Variants in HHLA1 observed in about 807,000 individuals in gnomAD.
The protein encoded by HHLA1 is HHLA1 neighbor of OC90, also known as HERV-H LTR-associating protein 1.
Under a neutral mutation model 69.9 loss-of-function variants are expected in HHLA1, and 72 were observed. The observed-to-expected ratio is 1.03, with a 90% confidence interval of 0.85 to 1.25. The LOEUF (loss-of-function observed/expected upper bound fraction) is 1.25, where lower values mean the gene tolerates loss of function less well. Ranked by LOEUF, HHLA1 falls within the 50% of genes most tolerant of loss-of-function variation. The pLI is 0.00. For synonymous variants in HHLA1, 252 were observed against 233.2 expected (o/e 1.08, Z -0.73); for missense variants, 685 against 642.2 (o/e 1.07, Z -0.72).
chr8:132,074,293 C>T (rs1823597930), intron 14 of HHLA1, among the ~76,000 whole-genome samples: 1 of 151,978 alleles, frequency 6.6e-6, no homozygotes, highest in Non-Finnish European at 1.5e-5. Context: ...TTCTGCTTCT[C>T]TTAAGAATCT....
At chr8:132,078,001 A>C in intron 11 of HHLA1, 30 bp from the exon 12 acceptor site, 1 of 1,549,542 alleles carries the variant, frequency 6.5e-7, no homozygotes, top group African/African-American at 1.4e-5. Flanking sequence ...GTAACAGGGT[A>C]CAGACATGCT....
Position 132,095,771 on chromosome 8 carries a change from A to G in HHLA1, c.296T>C (p.Phe99Ser). Residue 99 changes from phenylalanine to serine, a missense_variant, in exon 6 of 17, where the codon TTC (phenylalanine) becomes TCC (serine). Coordinates refer to ENST00000414222, the MANE Select transcript of HHLA1 (RefSeq NM_001145095.3). Reference sequence around the variant, plus strand: ...GTAGGAAGTGACACTCAGCAAGGAGAAGAACTTCTTGCTATCTGCCAAAAC... The same window carrying G: ...GTAGGAAGTGACACTCAGCAAGGAGGAGAACTTCTTGCTATCTGCCAAAAC... ...SRALKDSKKFFSLLSVTSYSS... is the reference protein window; with the variant it reads ...SRALKDSKKFSSLLSVTSYSS... 1.3e-6 allele frequency: 2 copies of G among 1,550,430 alleles called. No homozygotes were observed. The highest frequency in any genetic ancestry group is 1.7e-6 in the Non-Finnish European group (2 of 1,146,244).
chr8:132,085,824 T>G (rs1450784063), intron 10 of HHLA1, among the ~76,000 whole-genome samples: 1 of 138,820 alleles, frequency 7.2e-6, no homozygotes, highest in African/African-American at 2.8e-5. Context: ...CAAGGTAATG[T>G]CATCAGTTAA....
chr8:132,066,575 G>A (rs956560959), intron 15 of HHLA1, among the ~76,000 whole-genome samples: 1 of 152,250 alleles, frequency 6.6e-6, no homozygotes, highest in African/African-American at 2.4e-5. Flanking sequence ...AGTGCAGGCT[G>A]TGTCAACTAG....
At chr8:132,081,868 G>C (rs1309612944) in intron 10 of HHLA1, among the ~76,000 whole-genome samples, 4 of 152,190 alleles carry the variant, frequency 2.6e-5, no homozygotes, top group Non-Finnish European at 4.4e-5. Flanking sequence ...CTTGAGGATA[G>C]ATTTCCACGA....
rs538427392 is a variant in HHLA1, at chr8:132,071,346, T to C, written c.1463A>G (p.Asp488Gly). The C allele has an allele frequency of 4.2e-5, 65 of 1,550,334 alleles. No homozygotes were observed. In the African/African-American group the frequency reaches 8.3e-4, roughly 20 times the overall value. ...AGCCACTGGGCCAAGTTACCTCATG[T>C]CCTCTGTCCTGGGACTCCTCTGGCT... Reference protein sequence around the residue: ...CMSQRSPRTEDMRYCLEYYSW... With the variant: ...CMSQRSPRTEGMRYCLEYYSW... Residue 488 changes from aspartate to glycine, a missense_variant, in exon 15 of 17, where the codon GAC becomes GGC. Physicochemically the swap from Asp to Gly is moderately conservative, Grantham distance 94. Transcript: ENST00000414222.
chr8:132,098,979 G>T lies in HHLA1; in HGVS notation c.200-17C>A. 1 of 1,518,016 alleles carries T rather than the reference G, an allele frequency of 6.6e-7. No homozygotes were observed. Among genetic ancestry groups the T allele is most frequent in the Non-Finnish European group, 8.9e-7 (1 of 1,125,124 alleles). The allele number at this position is 1,518,016 out of a possible 1,614,324, so 94.0% of individuals were successfully genotyped here. On this transcript the variant is annotated splice_polypyrimidine_tract_variant and intron_variant, in intron 4 of 16. Coordinates refer to ENST00000414222, the MANE Select transcript of HHLA1 (RefSeq NM_001145095.3). ...CGGGCAGCTCTGAAAGAGATTCAGAGATAATGTCACTGGCAGGCTTTTCTC... is the reference window on the plus strand; with the variant it reads ...CGGGCAGCTCTGAAAGAGATTCAGATATAATGTCACTGGCAGGCTTTTCTC...
chr8:132,106,037 T>C lies in HHLA1; in HGVS notation c.-21-751A>G, dbSNP rs191145805. On this transcript the variant is annotated intron_variant, in intron 1 of 16. Transcript: ENST00000414222. Reference sequence around the variant, plus strand: ...GCTAACATTTATTGAGCACTTTCTGTGTGCCAGATGCCACATTGAACACTA... The same window carrying C: ...GCTAACATTTATTGAGCACTTTCTGCGTGCCAGATGCCACATTGAACACTA... Among the ~76,000 whole-genome samples the C allele has an allele frequency of 7.7e-4, 117 of 152,348 alleles. No individual in the cohort carries two copies. The South Asian group carries it at 9.1e-3, about 12-fold the overall frequency.
At chr8:132,108,144 G>A (rs1421838228) in intron 1 of HHLA1, among the ~76,000 whole-genome samples, 1 of 152,184 alleles carries the variant, frequency 6.6e-6, no homozygotes, top group Non-Finnish European at 1.5e-5. Flanking sequence ...GCTCTGCAGT[G>A]CAACTTACTA....
chr8:132,083,138 G>A (rs1230449488), intron 10 of HHLA1, among the ~76,000 whole-genome samples: 5 of 146,160 alleles, frequency 3.4e-5, no homozygotes, highest in Non-Finnish European at 4.7e-5. Context: ...GGGAAGAAGG[G>A]TGGCAATGAG....
rs138080792 is a variant in HHLA1 at position 132,091,020 on chromosome 8, C to A, written c.449-1421G>T. Among the ~76,000 whole-genome samples the A allele has an allele frequency of 3.3e-3, 507 of 152,286 alleles. 5 individuals are homozygous for A. Among genetic ancestry groups the A allele is most frequent in the African/African-American group, 0.012 (491 of 41,568 alleles). Reference sequence around the variant, plus strand: ...GTGCTCCACCCGCCTCGGCCTCCTTCTCTGTCTCTTTAGACCAGTCTGTTC... The same window carrying A: ...GTGCTCCACCCGCCTCGGCCTCCTTATCTGTCTCTTTAGACCAGTCTGTTC... On this transcript the variant is annotated intron_variant, in intron 7 of 16. Transcript: ENST00000414222.
intron 15 of HHLA1, among the ~76,000 whole-genome samples, chr8:132,066,955 G>A (rs1232101028): frequency 1.3e-5 from 2 of 152,170 alleles, no homozygotes; most frequent in Non-Finnish European, 2.9e-5. Context: ...AGGAAAGCAG[G>A]ACTTGGTGGT....
chr8:132,083,078 G>T (rs1823786861), intron 10 of HHLA1, among the ~76,000 whole-genome samples: 1 of 151,884 alleles, frequency 6.6e-6, no homozygotes, highest in Non-Finnish European at 1.5e-5. Flanking sequence ...TATACTTGTG[G>T]GTTAAGGTGG....
At chr8:132,079,224 T>A (rs2130883150) in intron 11 of HHLA1, among the ~76,000 whole-genome samples, 1 of 152,332 alleles carries the variant, frequency 6.6e-6, no homozygotes, top group Admixed American at 6.5e-5. Flanking sequence ...TGGTGTTAAG[T>A]CATTAACATA....
Position 132,095,547 on chromosome 8 carries a change from A to T in HHLA1, c.420T>A (p.Cys140Ter). The change falls in exon 7 of 17, where the codon TGT becomes TGA. Residue 140 changes from cysteine to a stop codon, truncating the protein, a stop_gained. Coordinates refer to ENST00000414222, the MANE Select transcript of HHLA1 (RefSeq NM_001145095.3). LOFTEE classifies it high-confidence loss of function. ...PAKFPTRYCYCLNNRTNDLSD... is the reference protein window; with the variant it reads ...PAKFPTRYCY Reference sequence around the variant, plus strand: ...ATAAGTCATTGGTCCGATTGTTTAAACAGTAGCAATACCTTGTGGGGAATT... The same window carrying T: ...ATAAGTCATTGGTCCGATTGTTTAATCAGTAGCAATACCTTGTGGGGAATT... 1 of 1,550,284 alleles carries T rather than the reference A, an allele frequency of 6.5e-7. No individual in the cohort carries two copies. The highest frequency in any genetic ancestry group is 8.7e-7 in the Non-Finnish European group (1 of 1,145,608).
At chr8:132,074,983 A>G (rs946290828) in intron 14 of HHLA1, among the ~76,000 whole-genome samples, 6 of 152,246 alleles carry the variant, frequency 3.9e-5, no homozygotes, top group African/African-American at 2.4e-5. Flanking sequence ...ATATAGATAT[A>G]GATATGGATA....
chr8:132,105,352 G>C (rs1444313377), intron 1 of HHLA1, 66 bp from the exon 2 acceptor site: 2 of 995,894 alleles, frequency 2.0e-6, no homozygotes, highest in African/African-American at 3.2e-5. Context: ...TTTGAGAACA[G>C]TGCGTGAGGA....
chr8:132,108,111 G>A (rs1435459286), intron 1 of HHLA1, among the ~76,000 whole-genome samples: 1 of 152,182 alleles, frequency 6.6e-6, no homozygotes, highest in Non-Finnish European at 1.5e-5. Context: ...TGGAGTTGGA[G>A]GACTGCCTAG....
At position 132,069,360 on chromosome 8, in the gene HHLA1, T is replaced by TTTG. The variant is rs555127143; in HGVS notation, c.1469+1979_1469+1980insCAA. Among the ~76,000 whole-genome samples the TTTG allele has an allele frequency of 4.8e-3, 733 of 152,292 alleles. 5 individuals carry two copies. The highest frequency in any genetic ancestry group is 0.03 in the East Asian group (155 of 5,176). On this transcript the variant is annotated intron_variant, in intron 15 of 16. Transcript: ENST00000414222. ...TTGCCAACTTTCCCACCAGTGTTTT[T>TTTG]TTTGTTTGTTTGTTTGTTTGTTTTT...
Sources: allele counts gnomAD v4.1 joint callset (sites outside exome capture counted in the v4.1 genomes callset), GRCh38; gene constraint gnomAD v4.1.1; transcripts MANE v1.5; gene names NCBI Gene and HGNC (gene_info 2026-07-23, HGNC 2026-07-21).